The following BCAS3 variants were observed in gnomAD, a reference collection of about 807,000 sequenced individuals.
BCAS3 encodes BCAS4/BCAS3 fusion.
Under a neutral mutation model 116.1 loss-of-function variants are expected in BCAS3, and 53 were observed. The ratio of observed to expected loss-of-function variants is 0.46; its 90% CI spans 0.37 to 0.57. BCAS3 has a LOEUF of 0.57. BCAS3 is among the 20% of genes least tolerant of loss of function. The pLI is 0.00. For missense variants in BCAS3, 917 were observed against 1,165.4 expected (o/e 0.79, Z 3.10); for synonymous variants, 391 against 408.2 (o/e 0.96, Z 0.51).
rs1292202589 is a variant in BCAS3, at chr17:61,316,121, A to G, written c.2426-52206A>G. Among the ~76,000 whole-genome samples the G allele has an allele frequency of 6.6e-6, 1 of 152,048 alleles. No homozygotes were observed. The highest frequency in any genetic ancestry group is 6.6e-5 in the Admixed American group (1 of 15,260). The stretch of plus-strand genomic sequence containing the variant: ...GGAGTTCGAAACCAGCCTGGCCAAC[A>G]TGGCGAAACCCCCATCTCTACTAAA... On this transcript the variant is annotated intron_variant, in intron 22 of 23. Transcript: ENST00000407086. This position sits in a 1 kb window ranked among gnomAD's most constrained non-coding sequence, Gnocchi z 5.8.
rs755600933 is a variant in BCAS3 at position 61,388,686 on chromosome 17, G to A, written c.2594-3291G>A. The stretch of plus-strand genomic sequence containing the variant: ...CCGTGAGCAACCCAACAGTAACAAA[G>A]CATGCGTTCGGGATGGAGGAAGGTA... On this transcript the variant is annotated intron_variant, in intron 23 of 23. Transcript: ENST00000407086. The surrounding 1 kb of genome is among the most constrained non-coding windows in gnomAD (Gnocchi z 6.5). 9.7e-6 allele frequency: 15 copies of A among 1,550,412 alleles called. No homozygotes were observed. Among genetic ancestry groups the A allele is most frequent in the Non-Finnish European group, 1.3e-5 (15 of 1,155,822 alleles).
At chr17:61,111,336 GA>G (rs1229037694) in intron 22 of BCAS3, among the ~76,000 whole-genome samples, 1 of 150,564 alleles carries the variant, frequency 6.6e-6, no homozygotes, top group African/African-American at 2.4e-5. Context: ...TGAAAACTTT[GA>G]AAAAAATTTA....
intron 22 of BCAS3, among the ~76,000 whole-genome samples, chr17:61,289,589 AG>A (rs1262648731): frequency 1.3e-5 from 2 of 152,162 alleles, no homozygotes; most frequent in African/African-American, 2.4e-5. Context: ...CCAAGTACAG[AG>A]ATGAAGGAAG....
intron 13 of BCAS3, among the ~76,000 whole-genome samples, chr17:60,947,001 C>A (rs769207249): frequency 3.3e-5 from 5 of 152,128 alleles, no homozygotes; most frequent in Non-Finnish European, 5.9e-5. Flanking sequence ...ATAATACTTG[C>A]ACATCTAGTG....
At chr17:60,934,270 T>C (rs1450441438) in intron 13 of BCAS3, among the ~76,000 whole-genome samples, 1 of 152,164 alleles carries the variant, frequency 6.6e-6, no homozygotes, top group Non-Finnish European at 1.5e-5. Flanking sequence ...AAGAGCCTTT[T>C]CCATTCTTCA....
intron 6 of BCAS3, among the ~76,000 whole-genome samples, chr17:60,750,582 A>G (rs1239115417): frequency 6.6e-6 from 1 of 152,240 alleles, no homozygotes; most frequent in African/African-American, 2.4e-5. Context: ...TAGAACCAAC[A>G]AATAGTTAGA....
chr17:60,966,936 A>G (rs992621153), intron 14 of BCAS3, among the ~76,000 whole-genome samples: 2 of 152,120 alleles, frequency 1.3e-5, no homozygotes, highest in African/African-American at 4.8e-5. Flanking sequence ...GTGAGTTACC[A>G]TGCCTGGCAC....
At chr17:60,704,578 C>T (rs570463304) in intron 4 of BCAS3, among the ~76,000 whole-genome samples, 3 of 152,178 alleles carry the variant, frequency 2.0e-5, no homozygotes, top group East Asian at 1.9e-4. Context: ...CAGTGCTTCA[C>T]GCCTGTAATC....
chr17:60,752,048 C>G (rs1462792464), intron 6 of BCAS3, among the ~76,000 whole-genome samples: 1 of 151,958 alleles, frequency 6.6e-6, no homozygotes, highest in Non-Finnish European at 1.5e-5. Context: ...GCATATATTT[C>G]TAGTTTTTTT....
intron 7 of BCAS3, among the ~76,000 whole-genome samples, chr17:60,848,502 T>A (rs1164438729): frequency 2.0e-5 from 3 of 152,246 alleles, no homozygotes; most frequent in African/African-American, 7.2e-5. Flanking sequence ...TATAAGAATA[T>A]ATTATCTGTG....
intron 22 of BCAS3, among the ~76,000 whole-genome samples, chr17:61,299,233 G>A (rs749372384): frequency 8.6e-5 from 13 of 151,900 alleles, no homozygotes; most frequent in East Asian, 3.9e-4. Context: ...CACGAGGTCC[G>A]GAGATTGAGA....
chr17:61,110,232 G>A (rs2074966411), intron 22 of BCAS3, among the ~76,000 whole-genome samples: 1 of 152,172 alleles, frequency 6.6e-6, no homozygotes, highest in African/African-American at 2.4e-5. Context: ...AAATTATGGG[G>A]GGAGGAGCCA....
intron 10 of BCAS3, among the ~76,000 whole-genome samples, chr17:60,898,979 A>G (rs1355323505): frequency 1.3e-5 from 2 of 151,922 alleles, no homozygotes. Context: ...TACCCAAAGA[A>G]GTGGATTGGT....
rs117595655 is a variant in BCAS3, at chr17:61,239,144, G to C, written c.2426-129183G>C. Among the ~76,000 whole-genome samples, 873 of 152,320 alleles carry C rather than the reference G, an allele frequency of 5.7e-3. 6 individuals carry two copies. The highest frequency in any genetic ancestry group is 9.2e-3 in the Non-Finnish European group (627 of 68,034). On this transcript the variant is annotated intron_variant, in intron 22 of 23. Transcript: ENST00000407086. The surrounding 1 kb of genome is among the most constrained non-coding windows in gnomAD (Gnocchi z 4.2). ...AGACAATCAGGTACTGATTTAGTGA[G>C]CTCATTTTTGAAATGCAAAAGCAAA...
rs141352092 is a variant in BCAS3, at chr17:60,792,338, C to T, written c.404-15666C>T. Reference sequence around the variant, plus strand: ...CGTGCTGGCACCTCGAGCTGCCCGCCCTGCCATAGCCAGCATGCCTGGCTG... The same window carrying T: ...CGTGCTGGCACCTCGAGCTGCCCGCTCTGCCATAGCCAGCATGCCTGGCTG... On this transcript the variant is annotated intron_variant, in intron 6 of 23. Coordinates refer to ENST00000407086, the MANE Select transcript of BCAS3 (RefSeq NM_017679.5). 3.2e-3 allele frequency among the ~76,000 whole-genome samples: 486 copies of T among 152,330 alleles called. 2 individuals carry two copies. The highest frequency in any genetic ancestry group is 5.4e-3 in the Admixed American group (82 of 15,306).
Position 60,964,597 on chromosome 17 carries a change from G to C in BCAS3, c.1221+17245G>C, listed in dbSNP as rs988172408. Among the ~76,000 whole-genome samples, 6 of 152,146 alleles carry C rather than the reference G, an allele frequency of 3.9e-5. No homozygotes were observed. Among genetic ancestry groups the C allele is most frequent in the African/African-American group, 1.4e-4 (6 of 41,436 alleles). Reference sequence around the variant, plus strand: ...TCCTCCTCTTCAATTTTTTTGAAGAGTTTGAGTACAATTGGTATTAATTCT... The same window carrying C: ...TCCTCCTCTTCAATTTTTTTGAAGACTTTGAGTACAATTGGTATTAATTCT... On this transcript the variant is annotated intron_variant, in intron 14 of 23. Coordinates refer to ENST00000407086, the MANE Select transcript of BCAS3 (RefSeq NM_017679.5). The surrounding 1 kb of genome is among the most constrained non-coding windows in gnomAD (Gnocchi z 4.6).
chr17:60,913,112 T>C (rs2058602561), intron 12 of BCAS3, among the ~76,000 whole-genome samples: 1 of 152,080 alleles, frequency 6.6e-6, no homozygotes, highest in Admixed American at 6.5e-5. Flanking sequence ...AGTATGGAAA[T>C]GGACTATAGA....
At chr17:60,841,111 T>C (rs1468192990) in intron 7 of BCAS3, among the ~76,000 whole-genome samples, 2 of 152,180 alleles carry the variant, frequency 1.3e-5, no homozygotes, top group African/African-American at 2.4e-5. Context: ...GTAAGGAACT[T>C]AATTTAGTAG....
Position 60,868,614 on chromosome 17 carries a change from T to C in BCAS3, c.515T>C (p.Leu172Pro). 6 of 1,602,804 alleles carry C rather than the reference T, an allele frequency of 3.7e-6. No individual in the cohort carries two copies. The highest frequency in any genetic ancestry group is 5.1e-6 in the Non-Finnish European group (6 of 1,175,916). ...PPYCCVDLYS[L>P]RTGEMVKSIQ... ...TACTGTTGTGTGGATCTGTATTCAC[T>C]TCGTACTGGGGAGATGGTCAAGTCC... The change falls in exon 8 of 24, where the codon CTT (leucine) becomes CCT (proline). Residue 172 changes from leucine (L) to proline (P), a missense_variant. By Grantham distance (98) the Leu-to-Pro change is moderately conservative (BLOSUM62 -3). Transcript: ENST00000407086.
Sources: gnomAD v4.1 joint callset for allele counts (sites outside exome capture counted in the v4.1 genomes callset) on GRCh38, gnomAD v4.1.1 for gene constraint, Gnocchi (gnomAD v3.1) non-coding constraint, MANE v1.5 for transcripts, NCBI Gene and HGNC (gene_info 2026-07-23, HGNC 2026-07-21) for gene names.